Variants in INPP4A observed in about 807,000 individuals in gnomAD.
The protein encoded by INPP4A is inositol polyphosphate-4-phosphatase, type I, 107kD.
A neutral mutation model predicts 119.8 loss-of-function variants in INPP4A; 33 were observed. That is an observed-to-expected ratio of 0.28 (90% CI 0.21 to 0.37). The LOEUF is 0.37. Among genes scored for constraint, INPP4A ranks in the 10% least tolerant of loss-of-function variants. The pLI, the probability that INPP4A is intolerant of heterozygous loss-of-function variation, is 1.00. For missense variants in INPP4A, 956 were observed against 1,289.9 expected (o/e 0.74, Z 3.97); for synonymous variants, 496 against 500.7 (o/e 0.99, Z 0.12).
At position 98,546,812 on chromosome 2, in the gene INPP4A, G is replaced by C; in HGVS notation, c.1163+118G>C. 1.5e-6 allele frequency: 1 copy of C among 686,850 alleles called. No homozygotes were observed. Among genetic ancestry groups the C allele is most frequent in the Middle Eastern group, 2.6e-4 (1 of 3,878 alleles). 42.5% of individuals were successfully genotyped at this position (686,850 alleles called of 1,614,324 possible). A position where few individuals can be genotyped will look rare whatever the true frequency, so the allele number is the denominator to read the frequency against. ...ACCCAGCCATCTGATCTGCTTTTGCGTGGCAGGAGGATCTGCCTTATGGAG... is the reference window on the plus strand; with the variant it reads ...ACCCAGCCATCTGATCTGCTTTTGCCTGGCAGGAGGATCTGCCTTATGGAG... On this transcript the variant is annotated intron_variant, in intron 13 of 24. Coordinates refer to ENST00000409851, the MANE Select transcript of INPP4A (RefSeq NM_001134225.2). The surrounding 1 kb of genome is among the most constrained non-coding windows in gnomAD (Gnocchi z 4.2).
At chr2:98,482,226 G>A (rs138307152) in intron 1 of INPP4A, among the ~76,000 whole-genome samples, 175 of 152,362 alleles carry the variant, frequency 1.1e-3, no homozygotes, top group African/African-American at 4.0e-3. Flanking sequence ...TCTGTATCCT[G>A]CTTTTTTCCT....
chr2:98,504,222 C>G (rs1284470312), intron 1 of INPP4A, among the ~76,000 whole-genome samples: 1 of 152,190 alleles, frequency 6.6e-6, no homozygotes, highest in Non-Finnish European at 1.5e-5. Flanking sequence ...AGAACCCTCT[C>G]TCCAGGAAGG....
chr2:98,474,328 T>G (rs1386398862), intron 1 of INPP4A, among the ~76,000 whole-genome samples: 2 of 152,214 alleles, frequency 1.3e-5, no homozygotes, highest in Non-Finnish European at 2.9e-5. Context: ...TTTTGTTTTT[T>G]GAAGCAGGAT....
At chr2:98,471,199 TC>T (rs911571077) in intron 1 of INPP4A, among the ~76,000 whole-genome samples, 2 of 152,186 alleles carry the variant, frequency 1.3e-5, no homozygotes, top group African/African-American at 2.4e-5. Flanking sequence ...CATGTGTGTG[TC>T]TGTGGCTTCA....
At chr2:98,540,591 G>A (rs1032663382) in intron 10 of INPP4A, among the ~76,000 whole-genome samples, 1 of 152,228 alleles carries the variant, frequency 6.6e-6, no homozygotes, top group Non-Finnish European at 1.5e-5. Flanking sequence ...TCAAGGTTCT[G>A]GAAACTGGGA....
chr2:98,582,555 C>T (rs1699463742), intron 24 of INPP4A, among the ~76,000 whole-genome samples: 9 of 150,400 alleles, frequency 6.0e-5, no homozygotes, highest in Admixed American at 5.9e-4. Flanking sequence ...AGAAAGATCA[C>T]CTACTCCATA....
intron 5 of INPP4A, among the ~76,000 whole-genome samples, chr2:98,535,054 G>C (rs1314657189): frequency 6.6e-6 from 1 of 152,168 alleles, no homozygotes; most frequent in Non-Finnish European, 1.5e-5. Context: ...CCTGGATCTG[G>C]ATCTCCAGAG....
chr2:98,545,055 G>A (rs1692222798), intron 11 of INPP4A, among the ~76,000 whole-genome samples: 2 of 152,208 alleles, frequency 1.3e-5, no homozygotes, highest in Non-Finnish European at 2.9e-5. Flanking sequence ...TTGTGTTGAA[G>A]TGGCAGTCTG....
At chr2:98,528,967 A>G (rs1397127260) in intron 4 of INPP4A, among the ~76,000 whole-genome samples, 1 of 151,566 alleles carries the variant, frequency 6.6e-6, no homozygotes, top group East Asian at 1.9e-4. Flanking sequence ...AGTCCCAGCT[A>G]CTCGGGAGGC....
intron 1 of INPP4A, among the ~76,000 whole-genome samples, chr2:98,501,071 T>A (rs576801942): frequency 4.9e-4 from 74 of 152,272 alleles, no homozygotes; most frequent in Admixed American, 1.8e-3. Context: ...ACTGGGATAT[T>A]TTTGGGAGGC....
intron 1 of INPP4A, among the ~76,000 whole-genome samples, chr2:98,476,414 C>G (rs542101221): frequency 5.9e-5 from 9 of 152,292 alleles, no homozygotes; most frequent in African/African-American, 2.2e-4. Context: ...GGGTTCACAC[C>G]CAGGAGCTCA....
intron 1 of INPP4A, among the ~76,000 whole-genome samples, chr2:98,512,535 C>T (rs947344362): frequency 2.6e-5 from 4 of 152,172 alleles, no homozygotes; most frequent in Admixed American, 6.5e-5. Flanking sequence ...TGAGGGTCTT[C>T]CCATGGTGGA....
chr2:98,494,463 G>C (rs35455711), intron 1 of INPP4A, among the ~76,000 whole-genome samples: 2,297 of 152,240 alleles, frequency 0.015, 29 homozygotes, highest in Non-Finnish European at 0.023. Flanking sequence ...GTCACTCCGA[G>C]AGAAGTGGGA....
At chr2:98,518,733 C>T (rs535313133) in intron 1 of INPP4A, among the ~76,000 whole-genome samples, 17 of 152,320 alleles carry the variant, frequency 1.1e-4, no homozygotes, top group African/African-American at 3.1e-4. Flanking sequence ...TTAGGACAGG[C>T]CCAGACTCCC....
intron 1 of INPP4A, among the ~76,000 whole-genome samples, chr2:98,460,090 G>A (rs1382316451): frequency 1.4e-5 from 2 of 146,420 alleles, no homozygotes; most frequent in Non-Finnish European, 3.0e-5. Context: ...ACACCTTTGG[G>A]TTTGGTCATC....
chr2:98,551,774 A>G (rs1311138389), intron 13 of INPP4A, among the ~76,000 whole-genome samples: 1 of 152,222 alleles, frequency 6.6e-6, no homozygotes, highest in Non-Finnish European at 1.5e-5. Flanking sequence ...TTCTACCCAG[A>G]GCTCACAATT....
At chr2:98,490,726 C>T (rs2105224622) in intron 1 of INPP4A, among the ~76,000 whole-genome samples, 1 of 152,322 alleles carries the variant, frequency 6.6e-6, no homozygotes, top group South Asian at 2.1e-4. Context: ...GACGCCTGGG[C>T]CTCCGAGTAG....
chr2:98,484,830 G>A (rs1414487053), intron 1 of INPP4A, among the ~76,000 whole-genome samples: 1 of 152,068 alleles, frequency 6.6e-6, no homozygotes, highest in Admixed American at 6.6e-5. Flanking sequence ...CATTTCAAAT[G>A]TCTATATGGT....
intron 1 of INPP4A, among the ~76,000 whole-genome samples, chr2:98,474,353 A>G (rs953115887): frequency 7.9e-5 from 12 of 152,206 alleles, no homozygotes; most frequent in Non-Finnish European, 8.8e-5. Flanking sequence ...ACACAAAAGG[A>G]CATCTCTGAA....
Sources: gnomAD v4.1 joint callset for allele counts (sites outside exome capture counted in the v4.1 genomes callset) on GRCh38, gnomAD v4.1.1 for gene constraint, Gnocchi (gnomAD v3.1) non-coding constraint, MANE v1.5 for transcripts, NCBI Gene and HGNC (gene_info 2026-07-23, HGNC 2026-07-21) for gene names.